Variants in LINGO2 observed in about 807,000 individuals in gnomAD.
LINGO2 encodes leucine rich repeat and Ig domain containing 2.
Under a neutral mutation model 30.6 loss-of-function variants are expected in LINGO2, and 14 were observed. The observed-to-expected ratio is 0.46, with a 90% confidence interval of 0.30 to 0.72. The LOEUF is 0.72. Ranked by LOEUF, LINGO2 falls within the 30% of genes least tolerant of loss-of-function variation. LINGO2 has a pLI of 0.07. For synonymous variants in LINGO2, 317 were observed against 288.5 expected (o/e 1.10, Z -1.00); for missense variants, 729 against 751.7 (o/e 0.97, Z 0.35).
the LINGO2 span, among the ~76,000 whole-genome samples, chr9:28,709,226 T>G: frequency 1.2e-4 from 18 of 152,166 alleles, no homozygotes; most frequent in African/African-American, 4.3e-4. Context: ...TAAAGTGTTT[T>G]GTTTTGTTTT....
intron 4 of LINGO2, among the ~76,000 whole-genome samples, chr9:28,039,958 C>T (rs989537391): frequency 2.6e-5 from 4 of 152,118 alleles, no homozygotes; most frequent in East Asian, 1.9e-4. Flanking sequence ...ATCCTCTATA[C>T]ATTTGCCACT....
At chr9:29,194,289 G>T in the LINGO2 span, among the ~76,000 whole-genome samples, 1 of 152,172 alleles carries the variant, frequency 6.6e-6, no homozygotes, top group East Asian at 1.9e-4. Flanking sequence ...CAAATAAACA[G>T]ATGAGCCAAC....
At chr9:28,423,298 T>C (rs895145629) in intron 2 of LINGO2, among the ~76,000 whole-genome samples, 3 of 151,950 alleles carry the variant, frequency 2.0e-5, no homozygotes, top group African/African-American at 7.3e-5. Context: ...TCAGAACAGA[T>C]CCCATCTTTG....
intron 5 of LINGO2, among the ~76,000 whole-genome samples, chr9:27,981,678 T>G (rs1352966788): frequency 6.6e-6 from 1 of 151,324 alleles, no homozygotes; most frequent in South Asian, 2.1e-4. Flanking sequence ...AGAGAGCAGA[T>G]CTTCATTGTC....
intron 4 of LINGO2, among the ~76,000 whole-genome samples, chr9:28,097,184 A>G (rs1374672628): frequency 6.6e-6 from 1 of 151,976 alleles, no homozygotes; most frequent in Non-Finnish European, 1.5e-5. Context: ...GTCAGGAAAC[A>G]ACAGGTGCTG....
chr9:28,942,446 G>A, the LINGO2 span, among the ~76,000 whole-genome samples: 2 of 152,086 alleles, frequency 1.3e-5, no homozygotes, highest in Non-Finnish European at 2.9e-5. Context: ...CCAAATAACT[G>A]AATCCAGAAT....
At chr9:28,297,706 A>G (rs1325661478) in intron 3 of LINGO2, among the ~76,000 whole-genome samples, 2 of 152,226 alleles carry the variant, frequency 1.3e-5, no homozygotes, top group Non-Finnish European at 2.9e-5. Context: ...TGGATGTGAT[A>G]GCTTTGTGTC....
intron 4 of LINGO2, among the ~76,000 whole-genome samples, chr9:28,179,886 G>T (rs1408916795): frequency 6.6e-6 from 1 of 151,736 alleles, no homozygotes; most frequent in Non-Finnish European, 1.5e-5. Context: ...TAAAACTCTG[G>T]TATGTTAAAT....
chr9:28,049,077 T>C (rs1457363034), intron 4 of LINGO2, among the ~76,000 whole-genome samples: 1 of 151,052 alleles, frequency 6.6e-6, no homozygotes, highest in East Asian at 2.0e-4. Context: ...TCCTCTTCTG[T>C]AACAGAGTAA....
At chr9:29,078,440 G>C in the LINGO2 span, among the ~76,000 whole-genome samples, 1 of 151,932 alleles carries the variant, frequency 6.6e-6, no homozygotes, top group Non-Finnish European at 1.5e-5. Flanking sequence ...TCTTAAGCCT[G>C]AAAATGTCTG....
intron 3 of LINGO2, among the ~76,000 whole-genome samples, chr9:28,371,657 T>C (rs1240565474): frequency 6.6e-6 from 1 of 152,176 alleles, no homozygotes; most frequent in Non-Finnish European, 1.5e-5. Flanking sequence ...GCTGTACCTT[T>C]ATCCAAGGGT....
At chr9:28,718,508 A>C in the LINGO2 span, among the ~76,000 whole-genome samples, 1 of 152,064 alleles carries the variant, frequency 6.6e-6, no homozygotes, top group African/African-American at 2.4e-5. Flanking sequence ...TTACTTCATA[A>C]TTGCTTGATT....
At chr9:28,297,288 A>T (rs1823958450) in intron 3 of LINGO2, among the ~76,000 whole-genome samples, 1 of 152,166 alleles carries the variant, frequency 6.6e-6, no homozygotes, top group African/African-American at 2.4e-5. Flanking sequence ...ATCCCTCCTC[A>T]GAAGGGGTAA....
At chr9:28,804,321 T>G in the LINGO2 span, among the ~76,000 whole-genome samples, 18 of 152,100 alleles carry the variant, frequency 1.2e-4, no homozygotes, top group Non-Finnish European at 2.4e-4. Context: ...AAGGAACATT[T>G]GCAAGACACA....
At chr9:28,176,097 T>C (rs982133150) in intron 4 of LINGO2, among the ~76,000 whole-genome samples, 2 of 152,220 alleles carry the variant, frequency 1.3e-5, no homozygotes, top group Non-Finnish European at 2.9e-5. Flanking sequence ...AACGCTTAAG[T>C]ATTATGCTCA....
At chr9:28,604,677 A>G (rs1380644464) in intron 1 of LINGO2, among the ~76,000 whole-genome samples, 1 of 152,054 alleles carries the variant, frequency 6.6e-6, no homozygotes, top group East Asian at 1.9e-4. Flanking sequence ...AATCTGAAGT[A>G]AGTATCCATA....
At chr9:28,917,768 C>T in the LINGO2 span, among the ~76,000 whole-genome samples, 1 of 151,964 alleles carries the variant, frequency 6.6e-6, no homozygotes, top group South Asian at 2.1e-4. Flanking sequence ...AGAAAGCTTG[C>T]TCATTAAATT....
chr9:28,715,243 C>T, the LINGO2 span, among the ~76,000 whole-genome samples: 2 of 152,130 alleles, frequency 1.3e-5, no homozygotes, highest in South Asian at 4.1e-4. Context: ...ACTGTTCACA[C>T]ACATTAAATT....
the LINGO2 span, among the ~76,000 whole-genome samples, chr9:28,979,415 C>T: frequency 6.6e-6 from 1 of 151,750 alleles, no homozygotes; most frequent in Non-Finnish European, 1.5e-5. Context: ...GCTGGGTTAA[C>T]AAAACAAAAA....
Sources: gnomAD v4.1 joint callset for allele counts (sites outside exome capture counted in the v4.1 genomes callset) on GRCh38, gnomAD v4.1.1 for gene constraint, MANE v1.5 for transcripts, NCBI Gene and HGNC (gene_info 2026-07-23, HGNC 2026-07-21) for gene names.